MAGI1: variants seen among roughly 807,000 people sequenced by gnomAD.
The protein encoded by MAGI1 is membrane associated guanylate kinase, WW and PDZ domain containing 1, also known as membrane-associated guanylate kinase, WW and PDZ domain-containing protein 1.
Under a neutral mutation model 139.9 loss-of-function variants are expected in MAGI1, and 58 were observed. The observed-to-expected ratio is 0.41, with a 90% confidence interval of 0.34 to 0.52. The LOEUF (loss-of-function observed/expected upper bound fraction) is 0.52. MAGI1 is among the 20% of genes least tolerant of loss of function. The probability of loss-of-function intolerance (pLI) is 0.12; values close to 1 mark genes in which losing one functional copy is unlikely to be tolerated. For synonymous variants in MAGI1, 812 were observed against 737.9 expected (o/e 1.10, Z -1.63); for missense variants, 1,874 against 1,901.6 (o/e 0.99, Z 0.27).
At chr3:65,908,059 C>T (rs900245676) in intron 1 of MAGI1, among the ~76,000 whole-genome samples, 2 of 152,130 alleles carry the variant, frequency 1.3e-5, no homozygotes, top group African/African-American at 4.8e-5. Flanking sequence ...TCAAAGTTAA[C>T]ACAAGAAATA....
At chr3:65,463,190 G>A (rs905211902) in intron 5 of MAGI1, among the ~76,000 whole-genome samples, 5 of 152,170 alleles carry the variant, frequency 3.3e-5, no homozygotes, top group Non-Finnish European at 7.4e-5. Context: ...CAGTTTCAAC[G>A]GGAATGCTTC....
intron 12 of MAGI1, among the ~76,000 whole-genome samples, chr3:65,422,583 T>C (rs908981781): frequency 6.6e-6 from 1 of 152,180 alleles, no homozygotes; most frequent in African/African-American, 2.4e-5. Flanking sequence ...TGAATACCTA[T>C]AATGGACTAG....
At chr3:65,819,918 C>T (rs1168046167) in intron 1 of MAGI1, among the ~76,000 whole-genome samples, 1 of 126,346 alleles carries the variant, frequency 7.9e-6, no homozygotes, top group Non-Finnish European at 1.7e-5. Flanking sequence ...GGAATAAAGG[C>T]TGCTTAGGTC....
At chr3:66,005,601 C>G (rs977478093) in intron 1 of MAGI1, among the ~76,000 whole-genome samples, 2 of 152,100 alleles carry the variant, frequency 1.3e-5, no homozygotes, top group African/African-American at 4.8e-5. Context: ...ATCTCCCACG[C>G]CTTCCCCTTG....
At chr3:65,504,690 G>T (rs2077209636) in intron 2 of MAGI1, among the ~76,000 whole-genome samples, 1 of 152,166 alleles carries the variant, frequency 6.6e-6, no homozygotes, top group Non-Finnish European at 1.5e-5. Context: ...CGGTCTGGGA[G>T]AAGAAAGCTG....
intron 22 of MAGI1, among the ~76,000 whole-genome samples, chr3:65,357,555 T>C (rs372803073): frequency 8.0e-5 from 12 of 150,816 alleles, no homozygotes; most frequent in African/African-American, 2.9e-4. Context: ...ATTCTTTGCT[T>C]TAAAGAATAC....
intron 7 of MAGI1, among the ~76,000 whole-genome samples, chr3:65,446,644 G>A (rs1434881342): frequency 6.6e-6 from 1 of 152,202 alleles, no homozygotes; most frequent in Non-Finnish European, 1.5e-5. Flanking sequence ...GAAATTGGCT[G>A]AACAAATGAT....
chr3:65,509,217 T>C (rs1481039813), intron 2 of MAGI1, among the ~76,000 whole-genome samples: 2 of 152,188 alleles, frequency 1.3e-5, no homozygotes, highest in African/African-American at 4.8e-5. Context: ...CACAGGTATT[T>C]AAATGAAGCA....
Position 65,448,012 on chromosome 3 carries a change from G to A in MAGI1, c.1078+10C>T, listed in dbSNP as rs368723979. 84 of 1,613,974 alleles carry A rather than the reference G, an allele frequency of 5.2e-5. No individual in the cohort carries two copies. Among genetic ancestry groups the A allele is most frequent in the Non-Finnish European group, 6.7e-5 (79 of 1,179,974 alleles). ...GTGTCATGCAGCAGCAGCAGGCAGG[G>A]AGGGTTTACCTAGTTCACTGTCCAG... On this transcript the variant is annotated intron_variant, in intron 7 of 22. Coordinates refer to ENST00000402939, the MANE Select transcript of MAGI1 (RefSeq NM_001033057.2).
chr3:65,597,933 G>C (rs768633253), intron 2 of MAGI1: 29 of 450,010 alleles, frequency 6.4e-5, no homozygotes, highest in Middle Eastern at 3.7e-4. Context: ...GGTGGGGGGG[G>C]GGTGGGACCG....
At chr3:65,895,594 TATCC>T (rs2060935953) in intron 1 of MAGI1, among the ~76,000 whole-genome samples, 2 of 152,234 alleles carry the variant, frequency 1.3e-5, no homozygotes, top group African/African-American at 2.4e-5. Context: ...ACCATCTATC[TATCC>T]GGCAGCTTTC....
intron 1 of MAGI1, among the ~76,000 whole-genome samples, chr3:65,915,617 A>G (rs1406438771): frequency 1.3e-5 from 2 of 152,154 alleles, no homozygotes; most frequent in Non-Finnish European, 2.9e-5. Context: ...TTAAAAGAAA[A>G]GTTTACAGCT....
At chr3:65,773,387 G>A (rs2038113628) in intron 1 of MAGI1, among the ~76,000 whole-genome samples, 1 of 152,096 alleles carries the variant, frequency 6.6e-6, no homozygotes, top group Non-Finnish European at 1.5e-5. Flanking sequence ...TAAAAAATTA[G>A]TCAGGCATGG....
chr3:65,412,799 C>T (rs185881064), intron 12 of MAGI1, among the ~76,000 whole-genome samples: 1 of 152,292 alleles, frequency 6.6e-6, no homozygotes, highest in East Asian at 1.9e-4. Context: ...CTGCCTCACT[C>T]AGCACAGAGA....
intron 1 of MAGI1, among the ~76,000 whole-genome samples, chr3:65,738,897 C>A (rs550512918): frequency 1.0e-3 from 158 of 152,328 alleles, no homozygotes; most frequent in African/African-American, 3.5e-3. Context: ...GTAGATTTAG[C>A]ACCCTCTTTA....
chr3:65,759,232 G>C (rs1375593738), intron 1 of MAGI1, among the ~76,000 whole-genome samples: 1 of 152,128 alleles, frequency 6.6e-6, no homozygotes, highest in Non-Finnish European at 1.5e-5. Flanking sequence ...CTCTAGGACA[G>C]TTTTTAAAAT....
At chr3:65,533,918 GT>G (rs1559645911) in intron 2 of MAGI1, among the ~76,000 whole-genome samples, 1 of 152,114 alleles carries the variant, frequency 6.6e-6, no homozygotes, top group Non-Finnish European at 1.5e-5. Flanking sequence ...TATGGCTTAT[GT>G]AAATTCTAGA....
chr3:65,658,745 C>T lies in MAGI1; in HGVS notation c.314-36657G>A, dbSNP rs140710716. Reference sequence around the variant, plus strand: ...TTAATCCAGCTTTGACTTGTTCATCCGTTCACAAGCCATCTTCTGCCCTCC... The same window carrying T: ...TTAATCCAGCTTTGACTTGTTCATCTGTTCACAAGCCATCTTCTGCCCTCC... On this transcript the variant is annotated intron_variant, in intron 1 of 22. Coordinates refer to ENST00000402939, the MANE Select transcript of MAGI1 (RefSeq NM_001033057.2). 2.7e-3 allele frequency among the ~76,000 whole-genome samples: 418 copies of T among 152,290 alleles called. 1 individual carries two copies. Among genetic ancestry groups the T allele is most frequent in the African/African-American group, 9.7e-3 (405 of 41,570 alleles).
chr3:65,444,605 G>A (rs1467767968), intron 7 of MAGI1, among the ~76,000 whole-genome samples: 3 of 152,022 alleles, frequency 2.0e-5, no homozygotes, highest in East Asian at 3.9e-4. Flanking sequence ...CTTTTTGCCC[G>A]AGGGTGTGTT....
Sources: allele counts gnomAD v4.1 joint callset (sites outside exome capture counted in the v4.1 genomes callset), GRCh38; gene constraint gnomAD v4.1.1; transcripts MANE v1.5; gene names NCBI Gene and HGNC (gene_info 2026-07-23, HGNC 2026-07-21).